The following AFAP1L2 variants were observed in gnomAD, a reference collection of about 807,000 sequenced individuals.
The protein encoded by AFAP1L2 is actin filament associated protein 1 like 2, also known as actin filament-associated protein 1-like 2.
A neutral mutation model predicts 99.3 loss-of-function variants in AFAP1L2; 46 were observed. The observed-to-expected ratio is 0.46, with a 90% CI of 0.37 to 0.59. The LOEUF (loss-of-function observed/expected upper bound fraction) is 0.59. Ranked by LOEUF, AFAP1L2 falls within the 20% of genes least tolerant of loss-of-function variation. The pLI, the probability that AFAP1L2 is intolerant of heterozygous loss-of-function variation, is 0.00. For synonymous variants in AFAP1L2, 397 were observed against 419.1 expected, an observed-to-expected ratio of 0.95 and a Z score of 0.64; for missense variants, 959 against 1,034.9, an observed-to-expected ratio of 0.93 and a Z score of 1.01.
intron 1 of AFAP1L2, among the ~76,000 whole-genome samples, chr10:114,360,587 C>T (rs1590543827): frequency 7.1e-6 from 1 of 141,370 alleles, no homozygotes; most frequent in Admixed American, 6.9e-5. Context: ...ATAGACAGAC[C>T]GACCTACTGG....
intron 4 of AFAP1L2, chr10:114,326,157 G>T: frequency 2.6e-6 from 2 of 759,790 alleles, no homozygotes; most frequent in Non-Finnish European, 1.8e-6. Flanking sequence ...GTGGAGCCAG[G>T]CAGTGTTTTG....
At chr10:114,336,004 A>AG (rs2047918643) in intron 2 of AFAP1L2, among the ~76,000 whole-genome samples, 1 of 151,840 alleles carries the variant, frequency 6.6e-6, no homozygotes, top group South Asian at 2.1e-4. Flanking sequence ...TATACAAAAA[A>AG]TAAAAGCCAA....
At chr10:114,288,617 G>C in the AFAP1L2 span, among the ~76,000 whole-genome samples, 19 of 152,358 alleles carry the variant, frequency 1.2e-4, no homozygotes, top group African/African-American at 4.6e-4. Flanking sequence ...CAGCAGGAAG[G>C]GGGAGAGGGG....
intron 1 of AFAP1L2, chr10:114,362,974 G>A: frequency 1.0e-6 from 1 of 985,420 alleles, no homozygotes; most frequent in Non-Finnish European, 1.2e-6. Context: ...GTGGGCCGGG[G>A]AATTCCCTGG....
chr10:114,280,901 G>T, the AFAP1L2 span: 1 of 152,088 alleles, frequency 6.6e-6, no homozygotes, highest in East Asian at 1.9e-4. Context: ...ACCGTGGCCG[G>T]CTAATTTTTA....
chr10:114,352,479 T>TAAAAAAAAAA lies in AFAP1L2; in HGVS notation c.17-11758_17-11749dup, dbSNP rs766929781. On this transcript the variant is annotated intron_variant, in intron 1 of 18. Transcript: ENST00000304129. ...ACAGAGCAAGACTCTGTCTCCAAAT[T>TAAAAAAAAAA]AAAAAAAAAAAAAAAAAAAAGCAAC... Among the ~76,000 whole-genome samples the TAAAAAAAAAA allele has an allele frequency of 1.6e-3, 114 of 71,384 alleles. 6 individuals are homozygous for TAAAAAAAAAA. The highest frequency in any genetic ancestry group is 4.8e-3 in the African/African-American group (88 of 18,228). 46.8% of individuals were successfully genotyped at this position (71,384 alleles called of 152,430 possible).
chr10:114,327,171 ATAT>A (rs1207990198), intron 4 of AFAP1L2, among the ~76,000 whole-genome samples: 718 of 68,288 alleles, frequency 0.011, 50 homozygotes, highest in African/African-American at 0.032. Context: ...ATATATATAT[ATAT>A]TTTTTTTTTA....
At chr10:114,392,176 AG>A (rs762550412) in intron 1 of AFAP1L2, among the ~76,000 whole-genome samples, 1 of 152,310 alleles carries the variant, frequency 6.6e-6, no homozygotes. Flanking sequence ...GCTTGAAGCC[AG>A]GAGTTCAAGA....
At chr10:114,310,484 C>T in intron 7 of AFAP1L2, 41 bp from the exon 8 acceptor site, 1 of 1,575,644 alleles carries the variant, frequency 6.3e-7, no homozygotes, top group Non-Finnish European at 8.7e-7. Context: ...CTGAGGTCCT[C>T]TGGCCAGCAC....
In AFAP1L2 at chr10:114,295,346, T is replaced by A. The variant is rs1361301866; in HGVS notation, c.*696A>T. The A allele has an allele frequency of 5.1e-6, 5 of 985,428 alleles. No individual in the cohort carries two copies. Among genetic ancestry groups the A allele is most frequent in the Non-Finnish European group, 6.0e-6 (5 of 829,636 alleles). The allele number at this position is 985,428 out of a possible 1,614,324, so 61.0% of individuals were successfully genotyped here. A position where few individuals can be genotyped will look rare whatever the true frequency, so the allele number is the denominator to read the frequency against. ...TTCCTATATATAATACAGCATCACT[T>A]AAAATTTTATTTAAAGACAGTTGAT... On this transcript the variant is annotated 3_prime_UTR_variant, in exon 19 of 19. Coordinates refer to ENST00000304129, the MANE Select transcript of AFAP1L2 (RefSeq NM_001001936.3).
chr10:114,300,315 G>A lies in AFAP1L2; in HGVS notation c.1836C>T (p.Thr612=), dbSNP rs770242787. The change falls in exon 15 of 19, where the codon ACC becomes ACT. Residue 612 remains threonine, a synonymous_variant. Coordinates refer to ENST00000304129, the MANE Select transcript of AFAP1L2 (RefSeq NM_001001936.3). ...EPEDPSLRIT[T]VKIQTEQQRI... is the part of the protein sequence containing the mutation. Reference sequence around the variant, plus strand: ...TCTGCTGTTCCGTCTGGATTTTGACGGTGGTGATTCTCAGGGAAGGATCCT... The same window carrying A: ...TCTGCTGTTCCGTCTGGATTTTGACAGTGGTGATTCTCAGGGAAGGATCCT... 10 of 1,614,156 alleles carry A rather than the reference G, an allele frequency of 6.2e-6. No individual in the cohort carries two copies. The highest frequency in any genetic ancestry group is 3.3e-4 in the Middle Eastern group (2 of 6,062).
At chr10:114,301,908 T>C in intron 12 of AFAP1L2, 1 of 253,784 alleles carries the variant, frequency 3.9e-6, no homozygotes, top group South Asian at 6.0e-5. Flanking sequence ...CGAGACTGGC[T>C]CTACCACCCT....
intron 4 of AFAP1L2, among the ~76,000 whole-genome samples, chr10:114,323,696 A>G (rs147967159): frequency 6.6e-6 from 1 of 152,318 alleles, no homozygotes; most frequent in East Asian, 1.9e-4. Flanking sequence ...AGGTTTCTAA[A>G]TCCTACACTT....
chr10:114,327,573 T>C (rs1282590537), intron 4 of AFAP1L2, among the ~76,000 whole-genome samples: 2 of 151,998 alleles, frequency 1.3e-5, no homozygotes, highest in Non-Finnish European at 2.9e-5. Context: ...GGGCCGCAAA[T>C]CTTTTCAGGA....
At chr10:114,374,087 A>G (rs1409264638) in intron 1 of AFAP1L2, among the ~76,000 whole-genome samples, 1 of 151,334 alleles carries the variant, frequency 6.6e-6, no homozygotes, top group Non-Finnish European at 1.5e-5. Flanking sequence ...TCTCCTATAA[A>G]CTCTGCGAGT....
intron 1 of AFAP1L2, among the ~76,000 whole-genome samples, chr10:114,343,633 C>T (rs1248322123): frequency 6.6e-6 from 1 of 152,180 alleles, no homozygotes; most frequent in African/African-American, 2.4e-5. Context: ...AGTGTTTGCA[C>T]AAAGAGCATG....
intron 1 of AFAP1L2, among the ~76,000 whole-genome samples, chr10:114,379,292 A>C (rs1251614807): frequency 6.6e-6 from 1 of 151,908 alleles, no homozygotes; most frequent in Non-Finnish European, 1.5e-5. Context: ...AGACCTGTCA[A>C]CCATAAGAAA....
intron 1 of AFAP1L2, among the ~76,000 whole-genome samples, chr10:114,403,570 G>A (rs2058424966): frequency 6.6e-6 from 1 of 152,326 alleles, no homozygotes; most frequent in Admixed American, 6.5e-5. Flanking sequence ...GGATGGGGGA[G>A]GGGGGAGCGC....
In AFAP1L2 at chr10:114,295,436, C is replaced by T; in HGVS notation, c.*606G>A. On this transcript the variant is annotated 3_prime_UTR_variant, in exon 19 of 19. Coordinates refer to ENST00000304129, the MANE Select transcript of AFAP1L2 (RefSeq NM_001001936.3). ...TGGGATTAGTGCTTCAGCTTGGTCC[C>T]AAATATTTTCCCCATTATTGTTTCT... 1 of 985,686 alleles carries T rather than the reference C, an allele frequency of 1.0e-6. No homozygotes were observed. The allele number at this position is 985,686 out of a possible 1,614,324, so 61.1% of individuals were successfully genotyped here. A position where few individuals can be genotyped will look rare whatever the true frequency, so the allele number is the denominator to read the frequency against.
Sources: allele counts gnomAD v4.1 joint callset (sites outside exome capture counted in the v4.1 genomes callset), GRCh38; gene constraint gnomAD v4.1.1; transcripts MANE v1.5; gene names NCBI Gene and HGNC (gene_info 2026-07-23, HGNC 2026-07-21).